DOCK8: variants seen among roughly 807,000 people sequenced by gnomAD.
DOCK8 encodes the protein dedicator of cytokinesis 8, also known as dedicator of cytokinesis protein 8.
A neutral mutation model predicts 245.6 loss-of-function variants in DOCK8; 141 were observed. That is an observed-to-expected ratio of 0.57 (90% CI 0.50 to 0.66). The LOEUF is 0.66. Ranked by LOEUF, DOCK8 falls within the 30% of genes least tolerant of loss-of-function variation. The pLI, the probability that DOCK8 is intolerant of heterozygous loss-of-function variation, is 0.00. For missense variants in DOCK8, 2,965 were observed against 2,603.4 expected, an observed-to-expected ratio of 1.14 and a Z score of -3.02; for synonymous variants, 1,168 against 970.2, an observed-to-expected ratio of 1.20 and a Z score of -3.79.
At chr9:312,468 T>C in intron 6 of DOCK8, 4 of 520,976 alleles carry the variant, frequency 7.7e-6, no homozygotes, top group South Asian at 6.2e-5. Context: ...CATGTAGTAA[T>C]CACACCCAGC....
chr9:306,570 C>T (rs1005284882), intron 5 of DOCK8, among the ~76,000 whole-genome samples: 1 of 152,076 alleles, frequency 6.6e-6, no homozygotes, highest in African/African-American at 2.4e-5. Flanking sequence ...ATCCTAAAAT[C>T]GTCATTATGG....
intron 29 of DOCK8, among the ~76,000 whole-genome samples, chr9:417,301 A>G (rs1217716736): frequency 6.6e-6 from 1 of 152,202 alleles, no homozygotes; most frequent in African/African-American, 2.4e-5. Flanking sequence ...TAAATAAATA[A>G]ATAATAAGAA....
At chr9:292,387 C>CAAAAAAAAAA in intron 4 of DOCK8, among the ~76,000 whole-genome samples, 1 of 63,074 alleles carries the variant, frequency 1.6e-5, no homozygotes, top group South Asian at 9.6e-4. Context: ...AACTCCGTCT[C>CAAAAAAAAAA]AAAAAAAAAA....
intron 33 of DOCK8, among the ~76,000 whole-genome samples, 162 bp downstream of exon 33, chr9:422,297 G>T (rs2131651316): frequency 6.6e-6 from 1 of 152,262 alleles, no homozygotes; most frequent in South Asian, 2.1e-4. Flanking sequence ...GATAATCAAA[G>T]GTATAGGGAG....
At chr9:301,985 T>TAA (rs768076842) in intron 4 of DOCK8, among the ~76,000 whole-genome samples, 4 of 144,948 alleles carry the variant, frequency 2.8e-5, no homozygotes, top group African/African-American at 5.0e-5. Flanking sequence ...TTCACAGAAT[T>TAA]TAAAAAAAAA....
Position 334,336 on chromosome 9 carries a change from A to T in DOCK8, c.1237A>T (p.Asn413Tyr). ...WAPISLSSFF[N>Y]VSTLEREVTD... ...ACCCATAAGCTTATCAAGCTTCTTC[A>T]ATGTCTCCACCCTTGAGAGGGAGGT... Residue 413 changes from asparagine (N) to tyrosine (Y), a missense_variant, in exon 11 of 48, where the codon AAT (asparagine) becomes TAT (tyrosine). Physicochemically the swap from Asn to Tyr is moderately radical, Grantham distance 143 (BLOSUM62 -2). Coordinates refer to ENST00000432829, the MANE Select transcript of DOCK8 (RefSeq NM_203447.4). The T allele has an allele frequency of 1.2e-6, 2 of 1,614,130 alleles. No homozygotes were observed. The highest frequency in any genetic ancestry group is 1.7e-6 in the Non-Finnish European group (2 of 1,180,000).
At chr9:460,025 G>C (rs569869715) in intron 46 of DOCK8, 37 of 152,306 alleles carry the variant, frequency 2.4e-4, no homozygotes, top group Admixed American at 2.4e-3. Flanking sequence ...GCACATTCTT[G>C]TGGCCATTTT....
At chr9:329,760 A>T (rs2050924469) in intron 9 of DOCK8, among the ~76,000 whole-genome samples, 1 of 152,224 alleles carries the variant, frequency 6.6e-6, no homozygotes, top group South Asian at 2.1e-4. Context: ...CTTTCTCTTG[A>T]TTAATCCGTC....
rs1564017112 is a variant in DOCK8 at position 400,985 on chromosome 9, TCCTCCACCACCACCAC to T, written c.3234+1728_3234+1743del. Among the ~76,000 whole-genome samples, 8 of 75,832 alleles carry T rather than the reference TCCTCCACCACCACCAC, an allele frequency of 1.1e-4. 1 individual carries two copies. The highest frequency in any genetic ancestry group is 5.3e-4 in the Admixed American group (4 of 7,494). 49.7% of individuals were successfully genotyped at this position (75,832 alleles called of 152,430 possible). A position where few individuals can be genotyped will look rare whatever the true frequency, so the allele number is the denominator to read the frequency against. ...CACCACCTCCTCCACCATCACCACCTCCTCCACCACCACCACCATTAGCTCCACCATGACCACCTCC... is the reference window on the plus strand; with the variant it reads ...CACCACCTCCTCCACCATCACCACCTCATTAGCTCCACCATGACCACCTCC... On this transcript the variant is annotated intron_variant, in intron 26 of 47. Transcript: ENST00000432829.
chr9:371,331 G>A (rs2053276267), intron 16 of DOCK8, 97 bp from the exon 17 acceptor site: 10 of 1,464,420 alleles, frequency 6.8e-6, no homozygotes, highest in Non-Finnish European at 6.7e-6. Flanking sequence ...AAAACACCAG[G>A]CAAATTCTGA....
At position 370,191 on chromosome 9, in the gene DOCK8, T is replaced by A. The variant is rs541051140; in HGVS notation, c.1798-39T>A. Reference sequence around the variant, plus strand: ...TGATAGTCAATTTGATGTACCCAAATGTTACTGATAATTTGATCCTTTCTC... The same window carrying A: ...TGATAGTCAATTTGATGTACCCAAAAGTTACTGATAATTTGATCCTTTCTC... On this transcript the variant is annotated intron_variant, in intron 15 of 47. Coordinates refer to ENST00000432829, the MANE Select transcript of DOCK8 (RefSeq NM_203447.4). 3.1e-4 allele frequency: 483 copies of A among 1,543,170 alleles called. 1 individual carries two copies. The highest frequency in any genetic ancestry group is 4.2e-4 in the Non-Finnish European group (464 of 1,115,144).
intron 2 of DOCK8, among the ~76,000 whole-genome samples, chr9:278,690 TC>T (rs2130116732): frequency 6.6e-6 from 1 of 152,306 alleles, no homozygotes; most frequent in East Asian, 1.9e-4. Context: ...GGAAAAATAT[TC>T]CAGTCAGAAG....
At chr9:384,658 A>T (rs925726797) in intron 22 of DOCK8, among the ~76,000 whole-genome samples, 9 of 152,204 alleles carry the variant, frequency 5.9e-5, no homozygotes, top group East Asian at 1.9e-4. Context: ...GGCTCATGCC[A>T]GTAATCCCAG....
At chr9:236,516 G>A (rs967241689) in intron 1 of DOCK8, among the ~76,000 whole-genome samples, 1 of 152,176 alleles carries the variant, frequency 6.6e-6, no homozygotes, top group Non-Finnish European at 1.5e-5. Context: ...TGCTGTGGAT[G>A]TAGATTAGTA....
chr9:400,862 T>TCCACCATCACCACCACCTCCACCACCA (rs2054977054), intron 26 of DOCK8, among the ~76,000 whole-genome samples: 2 of 61,230 alleles, frequency 3.3e-5, no homozygotes, highest in Non-Finnish European at 5.7e-5. Context: ...CACCACCTCC[T>TCCACCATCACCACCACCTCCACCACCA]CCACCATCAC....
intron 20 of DOCK8, among the ~76,000 whole-genome samples, chr9:378,270 T>C (rs2053598401): frequency 1.3e-5 from 2 of 151,946 alleles, no homozygotes; most frequent in African/African-American, 4.8e-5. Context: ...GAAGAAGGGA[T>C]AGAGTGAAAA....
At chr9:221,946 A>G (rs1305070161) in intron 1 of DOCK8, among the ~76,000 whole-genome samples, 1 of 151,840 alleles carries the variant, frequency 6.6e-6, no homozygotes, top group Non-Finnish European at 1.5e-5. Context: ...TTAATTTTCT[A>G]TTATTGGGCA....
chr9:435,438 A>G (rs1029441775), intron 39 of DOCK8, among the ~76,000 whole-genome samples: 6 of 152,216 alleles, frequency 3.9e-5, no homozygotes, highest in African/African-American at 1.4e-4. Flanking sequence ...CACTTCGCGG[A>G]TGAGAGAACT....
intron 14 of DOCK8, among the ~76,000 whole-genome samples, chr9:343,890 A>G (rs149046894): frequency 6.6e-6 from 1 of 152,348 alleles, no homozygotes; most frequent in Non-Finnish European, 1.5e-5. Flanking sequence ...AATCACCCAC[A>G]GGTGGCATTT....
Sources: allele counts gnomAD v4.1 joint callset (sites outside exome capture counted in the v4.1 genomes callset), GRCh38; gene constraint gnomAD v4.1.1; transcripts MANE v1.5; gene names NCBI Gene and HGNC (gene_info 2026-07-23, HGNC 2026-07-21).